MAGEA11: variants seen among roughly 807,000 people sequenced by gnomAD.
MAGEA11 encodes melanoma-associated antigen 11.
Under a neutral mutation model 8.4 loss-of-function variants are expected in MAGEA11, and 1 was observed. The ratio of observed to expected loss-of-function variants is 0.12; its 90% confidence interval spans 0.04 to 0.57. MAGEA11 has a LOEUF of 0.57. Among genes scored for constraint, MAGEA11 ranks in the 20% least tolerant of loss-of-function variants. MAGEA11 has a pLI of 0.91. For synonymous variants in MAGEA11, 127 were observed against 119.3 expected, an observed-to-expected ratio of 1.06 and a Z score of -0.42; for missense variants, 209 against 317.3, an observed-to-expected ratio of 0.66 and a Z score of 2.59.
At chrX:149,706,695 G>A (rs1234033657) in intron 1 of MAGEA11, among the ~76,000 whole-genome samples, 1 of 111,732 alleles carries the variant, frequency 8.9e-6, no homozygotes, top group Non-Finnish European at 1.9e-5. Flanking sequence ...AGTTGTATTG[G>A]AGAGCTGCAA....
At chrX:149,688,717 CATACAT>C (rs2090298266), upstream of MAGEA11, 2 of 203,942 alleles carry the variant, frequency 9.8e-6, no homozygotes, top group Non-Finnish European at 9.0e-6. Flanking sequence ...TACACATACA[CATACAT>C]ATACATATAC....
chrX:149,696,463 A>G (rs929630853), intron 1 of MAGEA11, among the ~76,000 whole-genome samples: 11 of 111,092 alleles, frequency 9.9e-5, no homozygotes, highest in African/African-American at 3.6e-4. Flanking sequence ...AAAGTCACGC[A>G]TGGGATGATG....
At chrX:149,710,547 C>G (rs1411663681), upstream of MAGEA11, among the ~76,000 whole-genome samples, 2 of 111,585 alleles carry the variant, frequency 1.8e-5, no homozygotes, top group African/African-American at 3.3e-5. Flanking sequence ...ATCCTGGGCT[C>G]CAGTGATCCT....
At chrX:149,707,816 C>T (rs2156978), upstream of MAGEA11, among the ~76,000 whole-genome samples, 41,386 of 111,152 alleles carry the variant, frequency 0.37, 6,441 homozygotes, top group East Asian at 0.7. Flanking sequence ...CATTTATCCT[C>T]TTATTTTTGC....
At chrX:149,706,918 C>T (rs2090379922) in intron 1 of MAGEA11, among the ~76,000 whole-genome samples, 1 of 112,551 alleles carries the variant, frequency 8.9e-6, no homozygotes, top group African/African-American at 3.2e-5. Flanking sequence ...AACAGGGCAT[C>T]AGGGAAAGGT....
rs72611292 is a variant in MAGEA11, at chrX:149,697,216, A to G, written c.9+8232A>G. Among the ~76,000 whole-genome samples, 39 of 110,221 alleles carry G rather than the reference A, an allele frequency of 3.5e-4. No homozygotes were observed. In the East Asian group the frequency reaches 0.011, roughly 31 times the overall value. ...CTCCCTATTCAACACCCTCCTGAGG[A>G]CCCCACATCTCTTCCCTGACCTCAC... On this transcript the variant is annotated intron_variant, in intron 1 of 3. Transcript: ENST00000333104.
At chrX:149,700,798 G>C (rs1602927652) in intron 1 of MAGEA11, among the ~76,000 whole-genome samples, 1 of 101,585 alleles carries the variant, frequency 9.8e-6, no homozygotes, top group African/African-American at 3.6e-5. Context: ...TCCCACCTAT[G>C]AGTGAGAATA....
chrX:149,716,350 C>G lies in MAGEA11; in HGVS notation c.864C>G (p.Ser288=), dbSNP rs782562983. 1 of 1,209,915 alleles carries G rather than the reference C, an allele frequency of 8.3e-7. No individual in the cohort carries two copies. Residue 288 remains serine, a synonymous_variant, in exon 5 of 5, where the codon TCC becomes TCG. Coordinates refer to ENST00000355220, the MANE Select transcript of MAGEA11 (RefSeq NM_005366.5). ...DVKEVDPTSH[S]YVLVTSLNLS... is the part of the protein sequence containing the mutation. Reference sequence around the variant, plus strand: ...AGGAAGTGGACCCCACTAGCCACTCCTATGTCCTTGTCACCTCCCTCAACC... The same window carrying G: ...AGGAAGTGGACCCCACTAGCCACTCGTATGTCCTTGTCACCTCCCTCAACC...
At chrX:149,709,510 T>TAG (rs1385948695), upstream of MAGEA11, among the ~76,000 whole-genome samples, 4 of 111,711 alleles carry the variant, frequency 3.6e-5, no homozygotes, top group African/African-American at 9.8e-5. Flanking sequence ...TTTCTGAGAC[T>TAG]AGTGTTCTTT....
chrX:149,695,759 T>C (rs2090328244), intron 1 of MAGEA11, among the ~76,000 whole-genome samples: 1 of 111,921 alleles, frequency 8.9e-6, no homozygotes, highest in Non-Finnish European at 1.9e-5. Context: ...GACAAGGTGG[T>C]AGAGAAATTA....
chrX:149,696,802 C>T (rs1488469487), intron 1 of MAGEA11, among the ~76,000 whole-genome samples: 1 of 111,879 alleles, frequency 8.9e-6, no homozygotes, highest in East Asian at 2.8e-4. Context: ...CATTTGGAAG[C>T]TTTTACATGG....
chrX:149,714,708 C>A (rs1173134583), intron 3 of MAGEA11, 132 bp downstream of exon 3: 1 of 1,037,502 alleles, frequency 9.6e-7, no homozygotes, highest in Non-Finnish European at 1.3e-6. Context: ...CTCTCTTATA[C>A]TGGGATCATT....
intron 1 of MAGEA11, among the ~76,000 whole-genome samples, chrX:149,706,182 C>A (rs1168371421): frequency 8.9e-6 from 1 of 111,939 alleles, no homozygotes; most frequent in African/African-American, 3.3e-5. Context: ...ACAGCCTATG[C>A]CCTTTGGTAA....
Position 149,689,559 on chromosome X carries a change from T to C in MAGEA11, c.9+575T>C, listed in dbSNP as rs187861165. 2.4e-3 allele frequency among the ~76,000 whole-genome samples: 267 copies of C among 112,540 alleles called. 4 individuals are homozygous for C. Among genetic ancestry groups the C allele is most frequent in the South Asian group, 0.015 (42 of 2,712 alleles). Reference sequence around the variant, plus strand: ...CCAGAGTCCTGTTCGCCCAGCATCCTTTCTCCCTCCTTTAGGCAGTGGGCC... The same window carrying C: ...CCAGAGTCCTGTTCGCCCAGCATCCCTTCTCCCTCCTTTAGGCAGTGGGCC... On this transcript the variant is annotated intron_variant, in intron 1 of 3. Coordinates refer to the MAGEA11 transcript ENST00000333104.
chrX:149,690,100 CTG>C (rs782616179), intron 1 of MAGEA11, among the ~76,000 whole-genome samples: 1,341 of 112,131 alleles, frequency 0.012, 9 homozygotes, highest in Non-Finnish European at 0.02. Context: ...GGCATGTTCA[CTG>C]TGTTTCCTTC....
At position 149,696,667 on chromosome X, in the gene MAGEA11, C is replaced by T. The variant is rs782589810; in HGVS notation, c.9+7683C>T. On this transcript the variant is annotated intron_variant, in intron 1 of 3. Transcript: ENST00000333104. ...GGTGCCCTGCTGACTCCTGGTAGTT[C>T]TCAGTCCTAACCCACCTCACTTCCT... 4.5e-5 allele frequency among the ~76,000 whole-genome samples: 5 copies of T among 111,093 alleles called. 1 individual carries two copies. In the South Asian group the frequency reaches 1.2e-3, roughly 26 times the overall value.
At chrX:149,693,628 C>T (rs1443897333) in intron 1 of MAGEA11, among the ~76,000 whole-genome samples, 1 of 112,238 alleles carries the variant, frequency 8.9e-6, no homozygotes, top group Non-Finnish European at 1.9e-5. Context: ...CATCATTTCA[C>T]TATTTTTAAC....
At chrX:149,708,032 G>T (rs150293449), upstream of MAGEA11, among the ~76,000 whole-genome samples, 93 of 112,387 alleles carry the variant, frequency 8.3e-4, no homozygotes, top group African/African-American at 2.8e-3. Context: ...TTTGTCAGAT[G>T]CGTAGTTGGG....
At chrX:149,694,740 C>T (rs1428935739) in intron 1 of MAGEA11, among the ~76,000 whole-genome samples, 4 of 107,899 alleles carry the variant, frequency 3.7e-5, no homozygotes, top group Admixed American at 1.0e-4. Context: ...AATTTTATTT[C>T]GACAAAGTGT....
Sources: allele counts gnomAD v4.1 joint callset (sites outside exome capture counted in the v4.1 genomes callset), GRCh38; gene constraint gnomAD v4.1.1; transcripts MANE v1.5; gene names NCBI Gene and HGNC (gene_info 2026-07-23, HGNC 2026-07-21).